The following TENM4 variants were observed in gnomAD, a reference collection of about 807,000 sequenced individuals.
TENM4 encodes teneurin-4.
A neutral mutation model predicts 243.3 loss-of-function variants in TENM4; 82 were observed. The observed-to-expected ratio is 0.34, with a 90% CI of 0.28 to 0.40. The LOEUF (loss-of-function observed/expected upper bound fraction) is 0.40. Among genes scored for constraint, TENM4 ranks in the 10% least tolerant of loss-of-function variants. The pLI is 1.00. For synonymous variants in TENM4, 1,412 were observed against 1,456.3 expected (o/e 0.97, Z 0.69); for missense variants, 3,138 against 3,673.3 (o/e 0.85, Z 3.77).
chr11:78,876,580 T>A (rs899551582), intron 9 of TENM4, among the ~76,000 whole-genome samples: 1 of 152,230 alleles, frequency 6.6e-6, no homozygotes, highest in Non-Finnish European at 1.5e-5. Flanking sequence ...CCAGTTAGAA[T>A]GAATTGCTGT....
At position 79,110,416 on chromosome 11, in the gene TENM4, C is replaced by A. The variant is rs376424073; in HGVS notation, c.-66+38294G>T. Among the ~76,000 whole-genome samples, 56 of 152,302 alleles carry A rather than the reference C, an allele frequency of 3.7e-4. No homozygotes were observed. The South Asian group carries it at 9.7e-3, about 26-fold the overall frequency. On this transcript the variant is annotated intron_variant, in intron 4 of 33. Coordinates refer to ENST00000278550, the MANE Select transcript of TENM4 (RefSeq NM_001098816.3). ...CTCACAGCACCCTGGGGACTCACAGCGCCCTGGGCACTGCAGGTGGACAGC... is the reference window on the plus strand; with the variant it reads ...CTCACAGCACCCTGGGGACTCACAGAGCCCTGGGCACTGCAGGTGGACAGC...
At chr11:79,281,085 C>T (rs892281123) in intron 2 of TENM4, among the ~76,000 whole-genome samples, 3 of 152,152 alleles carry the variant, frequency 2.0e-5, no homozygotes, top group Admixed American at 6.6e-5. Flanking sequence ...CAAATGATGG[C>T]GTTACGCTCT....
At chr11:79,316,429 G>A (rs1369657839) in intron 1 of TENM4, among the ~76,000 whole-genome samples, 3 of 152,152 alleles carry the variant, frequency 2.0e-5, no homozygotes, top group Non-Finnish European at 4.4e-5. Flanking sequence ...TATGGGTACA[G>A]CTTGGCGAAT....
intron 7 of TENM4, among the ~76,000 whole-genome samples, chr11:78,900,801 A>G (rs1157311975): frequency 6.6e-6 from 1 of 152,204 alleles, no homozygotes; most frequent in Non-Finnish European, 1.5e-5. Context: ...CAAGGTGGTC[A>G]GCTTGTGATT....
chr11:79,405,930 G>A (rs531269168), intron 1 of TENM4, among the ~76,000 whole-genome samples: 4 of 151,240 alleles, frequency 2.6e-5, no homozygotes, highest in South Asian at 4.2e-4. Flanking sequence ...CCGGATGGGC[G>A]AGAACCCCAT....
intron 19 of TENM4, among the ~76,000 whole-genome samples, chr11:78,739,208 A>C (rs954248753): frequency 7.9e-5 from 12 of 152,150 alleles, no homozygotes; most frequent in African/African-American, 1.2e-4. Flanking sequence ...CTCTTACTCT[A>C]TATTTTGGAC....
At chr11:78,664,870 G>T (rs190987361) in intron 32 of TENM4, among the ~76,000 whole-genome samples, 34 of 152,328 alleles carry the variant, frequency 2.2e-4, no homozygotes, top group Non-Finnish European at 4.4e-4. Flanking sequence ...AAACTAGGGG[G>T]CTGAGAAGAG....
intron 1 of TENM4, among the ~76,000 whole-genome samples, chr11:79,408,061 G>A (rs981691254): frequency 2.0e-5 from 3 of 151,878 alleles, no homozygotes; most frequent in African/African-American, 7.3e-5. Context: ...CGGTCACCAC[G>A]CCCAGCTAAT....
chr11:79,426,381 G>C (rs577510426), intron 1 of TENM4, among the ~76,000 whole-genome samples: 1 of 152,300 alleles, frequency 6.6e-6, no homozygotes, highest in Admixed American at 6.5e-5. Context: ...CACTGGTAGA[G>C]TGACCTCAGG....
intron 4 of TENM4, among the ~76,000 whole-genome samples, chr11:79,114,832 G>T (rs1475912357): frequency 6.6e-6 from 1 of 152,194 alleles, no homozygotes; most frequent in Non-Finnish European, 1.5e-5. Flanking sequence ...CCAAGGCATT[G>T]GCCAGGATAG....
At chr11:79,153,483 G>A (rs1483766692) in intron 3 of TENM4, among the ~76,000 whole-genome samples, 2 of 152,058 alleles carry the variant, frequency 1.3e-5, no homozygotes, top group Admixed American at 6.6e-5. Context: ...AACAATCAGA[G>A]CTAGGAAAGA....
At chr11:79,341,590 C>T (rs1001992441) in intron 1 of TENM4, among the ~76,000 whole-genome samples, 2 of 152,190 alleles carry the variant, frequency 1.3e-5, no homozygotes, top group African/African-American at 2.4e-5. Context: ...TGTATGTAAG[C>T]GTTGGTCTCT....
chr11:79,394,207 G>C (rs977516363), intron 1 of TENM4, among the ~76,000 whole-genome samples: 1 of 152,124 alleles, frequency 6.6e-6, no homozygotes, highest in Non-Finnish European at 1.5e-5. Context: ...CCAGAGCAAG[G>C]GTGAGCTTCT....
chr11:79,415,466 G>C (rs979907500), intron 1 of TENM4, among the ~76,000 whole-genome samples: 1 of 152,118 alleles, frequency 6.6e-6, no homozygotes, highest in Non-Finnish European at 1.5e-5. Context: ...GGTCAGACTC[G>C]GTGCTCAGGG....
intron 7 of TENM4, among the ~76,000 whole-genome samples, chr11:78,896,890 T>C (rs1855812241): frequency 6.6e-6 from 1 of 152,140 alleles, no homozygotes; most frequent in Admixed American, 6.5e-5. Context: ...GATGAGAATA[T>C]GACTACCTAC....
intron 26 of TENM4, 77 bp from the exon 27 acceptor site, chr11:78,708,592 C>G: frequency 6.6e-7 from 1 of 1,510,472 alleles, no homozygotes; most frequent in Non-Finnish European, 9.0e-7. Context: ...GCCTTGCTAA[C>G]TGACAGAGCA....
intron 6 of TENM4, among the ~76,000 whole-genome samples, chr11:79,064,142 A>G (rs1860176044): frequency 6.6e-6 from 1 of 152,082 alleles, no homozygotes; most frequent in Admixed American, 6.5e-5. Flanking sequence ...TCTGAAATAT[A>G]TAATGTATTA....
intron 6 of TENM4, among the ~76,000 whole-genome samples, chr11:79,049,197 A>C: frequency 6.6e-6 from 1 of 152,274 alleles, no homozygotes; most frequent in East Asian, 1.9e-4. Context: ...TCCCTCCCCC[A>C]GTCCCCAGTT....
intron 1 of TENM4, among the ~76,000 whole-genome samples, chr11:79,325,097 T>G (rs1418096244): frequency 1.3e-5 from 2 of 152,190 alleles, no homozygotes; most frequent in Admixed American, 1.3e-4. Flanking sequence ...TATTCCAACG[T>G]TGGCACGTGG....
Sources: allele counts gnomAD v4.1 joint callset (sites outside exome capture counted in the v4.1 genomes callset), GRCh38; gene constraint gnomAD v4.1.1; transcripts MANE v1.5; gene names NCBI Gene and HGNC (gene_info 2026-07-23, HGNC 2026-07-21).